Variants in PPP1R15A observed in about 807,000 individuals in gnomAD.
The protein encoded by PPP1R15A is protein phosphatase 1 regulatory subunit 15A.
PPP1R15A carries 43 observed loss-of-function variants against 48.5 expected under a neutral mutation model. The observed-to-expected ratio is 0.89, with a 90% CI of 0.69 to 1.14. The LOEUF is 1.14. PPP1R15A is among the 50% of genes most tolerant of loss of function. PPP1R15A has a pLI of 0.00. For missense variants in PPP1R15A, 868 were observed against 847.2 expected, an observed-to-expected ratio of 1.02 and a Z score of -0.30; for synonymous variants, 327 against 327.4, an observed-to-expected ratio of 1.00 and a Z score of 0.01.
In PPP1R15A at chr19:48,874,007, G is replaced by A. The variant is rs770723222; in HGVS notation, c.774G>A (p.Arg258=). 5.6e-6 allele frequency: 9 copies of A among 1,614,054 alleles called. No individual in the cohort carries two copies. In the African/African-American group the frequency reaches 1.2e-4, roughly 22 times the overall value. Residue 258 remains arginine (R), a synonymous_variant, in exon 2 of 3, where the codon AGG becomes AGA. Coordinates refer to ENST00000200453, the MANE Select transcript of PPP1R15A (RefSeq NM_014330.5). The stretch of plus-strand genomic sequence containing the variant: ...CCCGATCTTCAGGCTCCGACCCCAG[G>A]TCCTGGGAGTATCGTTCAGGAGAGG... The part of the protein sequence containing the change: ...VSPRSSGSDP[R]SWEYRSGEAS...
Position 48,875,996 on chromosome 19 carries a change from T to A in PPP1R15A, c.*23T>A. 1 of 1,521,900 alleles carries A rather than the reference T, an allele frequency of 6.6e-7. No individual in the cohort carries two copies. The highest frequency in any genetic ancestry group is 1.4e-5 in the African/African-American group (1 of 71,882). 94.3% of individuals were successfully genotyped at this position (1,521,900 alleles called of 1,614,324 possible). On this transcript the variant is annotated 3_prime_UTR_variant, in exon 3 of 3. Coordinates refer to ENST00000200453, the MANE Select transcript of PPP1R15A (RefSeq NM_014330.5). ...TGAGACCAACTGGTTTGCCTATAATTTATTAACTATTTATTTTTTCTAAGT... is the reference window on the plus strand; with the variant it reads ...TGAGACCAACTGGTTTGCCTATAATATATTAACTATTTATTTTTTCTAAGT...
Position 48,873,519 on chromosome 19 carries a change from C to A in PPP1R15A, c.286C>A (p.Leu96Met). ...SGGPGEDRET[L>M]GLKTSSSLPE... Reference sequence around the variant, plus strand: ...AGGCCCTGGAGAGGACAGAGAAACACTGGGGCTGAAAACCAGCAGTTCCCT... The same window carrying A: ...AGGCCCTGGAGAGGACAGAGAAACAATGGGGCTGAAAACCAGCAGTTCCCT... Residue 96 changes from leucine (L) to methionine (M), a missense_variant, in exon 2 of 3, where the codon CTG becomes ATG. Coordinates refer to ENST00000200453, the MANE Select transcript of PPP1R15A (RefSeq NM_014330.5). 1 of 1,614,202 alleles carries A rather than the reference C, an allele frequency of 6.2e-7. No homozygotes were observed. Among genetic ancestry groups the A allele is most frequent in the East Asian group, 2.2e-5 (1 of 44,890 alleles).
Position 48,873,775 on chromosome 19 carries a change from C to G in PPP1R15A, c.542C>G (p.Pro181Arg), listed in dbSNP as rs1386875876. 4.3e-6 allele frequency: 7 copies of G among 1,613,926 alleles called. No homozygotes were observed. The highest frequency in any genetic ancestry group is 5.9e-6 in the Non-Finnish European group (7 of 1,180,010). Residue 181 changes from proline (P) to arginine (R), a missense_variant, in exon 2 of 3, where the codon CCA (proline) becomes CGA (arginine). By Grantham distance (103) the Pro-to-Arg change is moderately radical. Coordinates refer to ENST00000200453, the MANE Select transcript of PPP1R15A (RefSeq NM_014330.5). ...GGAGTTAACAAGTTCTCTTATCCAC[C>G]ATCACACCGGGAGTGTTGTCCAGCC... is the stretch of plus-strand genomic sequence containing the variant. ...EEGVNKFSYPPSHRECCPAVE... is the reference protein window; with the variant it reads ...EEGVNKFSYPRSHRECCPAVE...
rs200986283 is a variant in PPP1R15A at position 48,873,595 on chromosome 19, G to T, written c.362G>T (p.Arg121Leu). The change falls in exon 2 of 3, where the codon CGA (arginine) becomes CTA (leucine). Residue 121 changes from arginine to leucine, a missense_variant. Physicochemically the swap from Arg to Leu is moderately radical, Grantham distance 102. Transcript: ENST00000200453. Reference sequence around the variant, plus strand: ...GATGATGATGGCATGTATGGTGAGCGAGAGGCAACCAGTGTCCCTAGAGGG... The same window carrying T: ...GATGATGATGGCATGTATGGTGAGCTAGAGGCAACCAGTGTCCCTAGAGGG... ...LDDDDGMYGE[R>L]EATSVPRGQG... The T allele has an allele frequency of 1.1e-5, 18 of 1,614,164 alleles. No homozygotes were observed. The highest frequency in any genetic ancestry group is 1.6e-4 in the Middle Eastern group (1 of 6,062).
intron 2 of PPP1R15A, 190 bp from the exon 3 acceptor site, chr19:48,875,424 C>T (rs1352645859): frequency 1.3e-6 from 1 of 797,496 alleles, no homozygotes; most frequent in East Asian, 2.7e-5. Flanking sequence ...CAGGAAACCA[C>T]CTCTTCCTTC....
In PPP1R15A at chr19:48,874,057, C is replaced by T; in HGVS notation, c.824C>T (p.Ala275Val). ...GEASEEKEEK[A>V]HKETGKGEAA... ...GCGTCCGAGGAGAAGGAGGAAAAGG[C>T]ACACAAAGAAACTGGGAAAGGAGAA... Residue 275 changes from alanine (A) to valine (V), a missense_variant, in exon 2 of 3, where the codon GCA (alanine) becomes GTA (valine). Physicochemically the swap from Ala to Val is moderately conservative, Grantham distance 64 (BLOSUM62 0). Transcript: ENST00000200453. The T allele has an allele frequency of 6.2e-7, 1 of 1,614,186 alleles. No homozygotes were observed.
intron 2 of PPP1R15A, 125 bp from the exon 3 acceptor site, chr19:48,875,489 G>A: frequency 7.8e-7 from 1 of 1,285,720 alleles, no homozygotes; most frequent in Non-Finnish European, 1.1e-6. Flanking sequence ...TGACTAGCCA[G>A]ATAGAAAGCA....
intron 1 of PPP1R15A, 115 bp from the exon 2 acceptor site, chr19:48,873,109 CG>C: frequency 7.3e-7 from 1 of 1,369,382 alleles, no homozygotes; most frequent in Non-Finnish European, 9.4e-7. Flanking sequence ...TTGGGACTCT[CG>C]CGTTGCTATT....
At position 48,875,607 on chromosome 19, in the gene PPP1R15A, C is replaced by T. The variant is rs141370460; in HGVS notation, c.1666-7C>T. On this transcript the variant is annotated splice_region_variant and splice_polypyrimidine_tract_variant and intron_variant, in intron 2 of 2. Coordinates refer to ENST00000200453, the MANE Select transcript of PPP1R15A (RefSeq NM_014330.5). The stretch of plus-strand genomic sequence containing the variant: ...TCTCCTGCCTGTGTCCCCATGTCTG[C>T]CCGCAGGTGCGCTTCTCCGAGAAGG... 6,724 of 1,582,934 alleles carry T rather than the reference C, an allele frequency of 4.2e-3. 10 individuals carry two copies. Among genetic ancestry groups the T allele is most frequent in the Non-Finnish European group, 4.9e-3 (5,730 of 1,163,306 alleles).
In PPP1R15A at chr19:48,874,249, T is replaced by G. The variant is rs2037049708; in HGVS notation, c.1016T>G (p.Leu339Arg). 6.2e-7 allele frequency: 1 copy of G among 1,614,036 alleles called. No homozygotes were observed. The highest frequency in any genetic ancestry group is 1.3e-5 in the African/African-American group (1 of 74,912). Residue 339 changes from leucine (L) to arginine (R), a missense_variant, in exon 2 of 3, where the codon CTG becomes CGG. Coordinates refer to ENST00000200453, the MANE Select transcript of PPP1R15A (RefSeq NM_014330.5). The part of the protein sequence containing the change: ...PPCIPPPSAF[L>R]KAWVYWPGED... ...TGCATCCCCCCACCAAGTGCCTTCC[T>G]GAAGGCCTGGGTGTATTGGCCAGGA...
chr19:48,874,844 C>T lies in PPP1R15A; in HGVS notation c.1611C>T (p.Arg537=). The stretch of plus-strand genomic sequence containing the variant: ...TCCGACTGCAAAGGCGGCTCAAGCG[C>T]CCAGAAACCCCTACTCATGATCCGG... ...LPLRLQRRLK[R]PETPTHDPDP... Residue 537 remains arginine (R), a synonymous_variant, in exon 2 of 3, where the codon CGC becomes CGT. Transcript: ENST00000200453. The T allele has an allele frequency of 6.2e-7, 1 of 1,610,740 alleles. No individual in the cohort carries two copies. Among genetic ancestry groups the T allele is most frequent in the Admixed American group, 1.7e-5 (1 of 59,412 alleles).
rs952438890 is a variant in PPP1R15A at position 48,873,853 on chromosome 19, C to T, written c.620C>T (p.Ser207Phe). The T allele has an allele frequency of 6.2e-7, 1 of 1,614,174 alleles. No homozygotes were observed. Among genetic ancestry groups the T allele is most frequent in the Non-Finnish European group, 8.5e-7 (1 of 1,180,028 alleles). ...EAVKKEAHRTSTSALSPGSKP... is the reference protein window; with the variant it reads ...EAVKKEAHRTFTSALSPGSKP... Reference sequence around the variant, plus strand: ...GTAAAGAAAGAAGCTCACAGAACCTCTACTTCTGCCTTGTCTCCAGGATCC... The same window carrying T: ...GTAAAGAAAGAAGCTCACAGAACCTTTACTTCTGCCTTGTCTCCAGGATCC... Residue 207 changes from serine (S) to phenylalanine (F), a missense_variant, in exon 2 of 3, where the codon TCT (serine) becomes TTT (phenylalanine). Ser to Phe is a radical substitution (Grantham distance 155). Transcript: ENST00000200453.
chr19:48,874,141 G>T lies in PPP1R15A; in HGVS notation c.908G>T (p.Trp303Leu). 6.2e-7 allele frequency: 1 copy of T among 1,614,186 alleles called. No homozygotes were observed. Residue 303 changes from tryptophan to leucine, a missense_variant, in exon 2 of 3, where the codon TGG becomes TTG. By Grantham distance (61) the Trp-to-Leu change is moderately conservative. Coordinates refer to ENST00000200453, the MANE Select transcript of PPP1R15A (RefSeq NM_014330.5). ...CAGAGGCCCCAGCTCAAGTCCTGGT[G>T]GTGCCAACCCAGTGATGAAGAGGAG... ...PAQRPQLKSW[W>L]CQPSDEEEGE...
At chr19:48,874,984 G>A (rs766014892) in intron 2 of PPP1R15A, 86 bp downstream of exon 2, 11 of 1,399,026 alleles carry the variant, frequency 7.9e-6, no homozygotes, top group East Asian at 2.5e-5. Context: ...GGAGTGCAGC[G>A]GCATGATCTT....
Position 48,874,299 on chromosome 19 carries a change from G to A in PPP1R15A, c.1066G>A (p.Glu356Lys), listed in dbSNP as rs1470082384. 9 of 1,614,046 alleles carry A rather than the reference G, an allele frequency of 5.6e-6. No homozygotes were observed. The highest frequency in any genetic ancestry group is 6.8e-6 in the Non-Finnish European group (8 of 1,179,978). ...PGEDTEEEED[E>K]EEDEDSDSGS... ...AGAGGACACAGAGGAAGAGGAAGAT[G>A]AGGAAGAAGATGAGGACAGTGACTC... The change falls in exon 2 of 3, where the codon GAG becomes AAG. Residue 356 changes from glutamate to lysine, a missense_variant. Transcript: ENST00000200453.
chr19:48,875,619 C>T lies in PPP1R15A; in HGVS notation c.1671C>T (p.Arg557=), dbSNP rs1265671617. 6.3e-7 allele frequency: 1 copy of T among 1,589,438 alleles called. No individual in the cohort carries two copies. The highest frequency in any genetic ancestry group is 2.2e-5 in the East Asian group (1 of 44,448). Residue 557 remains arginine (R), a synonymous_variant, in exon 3 of 3, where the codon CGC becomes CGT. Transcript: ENST00000200453. ...PETPLKARKV[R]FSEKVTVHFL... is the part of the protein sequence containing the mutation. ...GTCCCCATGTCTGCCCGCAGGTGCG[C>T]TTCTCCGAGAAGGTCACTGTCCATT...
Position 48,874,223 on chromosome 19 carries a change from C to G in PPP1R15A, c.990C>G (p.Pro330=), listed in dbSNP as rs1243371098. 2.2e-5 allele frequency: 36 copies of G among 1,614,020 alleles called. No homozygotes were observed. The highest frequency in any genetic ancestry group is 2.8e-5 in the Non-Finnish European group (33 of 1,180,032). ...AEKDGEAECP[P]CIPPPSAFLK... Reference sequence around the variant, plus strand: ...AGGATGGAGAAGCTGAGTGTCCTCCCTGCATCCCCCCACCAAGTGCCTTCC... The same window carrying G: ...AGGATGGAGAAGCTGAGTGTCCTCCGTGCATCCCCCCACCAAGTGCCTTCC... The change falls in exon 2 of 3, where the codon CCC becomes CCG. Residue 330 remains proline (P), a synonymous_variant. Transcript: ENST00000200453.
chr19:48,874,685 T>C lies in PPP1R15A; in HGVS notation c.1452T>C (p.Tyr484=), dbSNP rs1372189138. The C allele has an allele frequency of 1.2e-6, 2 of 1,613,702 alleles. No individual in the cohort carries two copies. Among genetic ancestry groups the C allele is most frequent in the East Asian group, 2.2e-5 (1 of 44,856 alleles). Residue 484 remains tyrosine, a synonymous_variant, in exon 2 of 3, where the codon TAT becomes TAC. Coordinates refer to ENST00000200453, the MANE Select transcript of PPP1R15A (RefSeq NM_014330.5). ...DQRAHFRGWG[Y]RPGKETEEEE... is the part of the protein sequence containing the mutation. ...GGGCCCACTTCAGGGGCTGGGGATA[T>C]CGACCTGGAAAAGAGACAGAGGAAG...
intron 1 of PPP1R15A, 32 bp downstream of exon 1, chr19:48,872,683 A>T (rs1199692734): frequency 5.9e-6 from 2 of 339,748 alleles, no homozygotes; most frequent in Non-Finnish European, 1.2e-5. Flanking sequence ...CTGGGTCCCC[A>T]CGGGGCTGGG....
Sources: allele counts gnomAD v4.1 joint callset, GRCh38; gene constraint gnomAD v4.1.1; transcripts MANE v1.5; gene names NCBI Gene and HGNC (gene_info 2026-07-23, HGNC 2026-07-21).